NFYC: variants seen among roughly 807,000 people sequenced by gnomAD.
The protein encoded by NFYC is CAAT box DNA-binding protein subunit C.
Under a neutral mutation model 53.1 loss-of-function variants are expected in NFYC, and 25 were observed. The observed-to-expected ratio is 0.47, with a 90% confidence interval of 0.34 to 0.66. The LOEUF is 0.66. Ranked by LOEUF, NFYC falls within the 30% of genes least tolerant of loss-of-function variation. The pLI, the probability that NFYC is intolerant of heterozygous loss-of-function variation, is 0.01. For synonymous variants in NFYC, 145 were observed against 152.6 expected (o/e 0.95, Z 0.37); for missense variants, 260 against 422.7 (o/e 0.62, Z 3.38).
chr1:40,752,943 C>T (rs1645996034), intron 4 of NFYC, among the ~76,000 whole-genome samples: 1 of 152,148 alleles, frequency 6.6e-6, no homozygotes, highest in Non-Finnish European at 1.5e-5. Flanking sequence ...GTGTGAGTTA[C>T]ATGTATCTCT....
chr1:40,759,685 G>A (rs530301483), intron 6 of NFYC, among the ~76,000 whole-genome samples: 52 of 152,136 alleles, frequency 3.4e-4, no homozygotes, highest in African/African-American at 1.2e-3. Context: ...GTCAGATAAT[G>A]TTTCTGAAGG....
chr1:40,726,498 C>G (rs747264949), intron 1 of NFYC, among the ~76,000 whole-genome samples: 4 of 151,964 alleles, frequency 2.6e-5, no homozygotes, highest in Non-Finnish European at 5.9e-5. Flanking sequence ...CAACCTCTGC[C>G]TTCCAGGTTC....
intron 1 of NFYC, among the ~76,000 whole-genome samples, chr1:40,730,929 G>T (rs1196653501): frequency 2.0e-5 from 3 of 152,154 alleles, no homozygotes; most frequent in African/African-American, 7.2e-5. Context: ...CCTGGCCGGG[G>T]TCACTCTCTG....
intron 1 of NFYC, among the ~76,000 whole-genome samples, chr1:40,701,617 A>G (rs186839999): frequency 1.3e-5 from 2 of 152,318 alleles, no homozygotes; most frequent in African/African-American, 2.4e-5. Flanking sequence ...ATGTCCTCCC[A>G]TAGCATTTTG....
intron 1 of NFYC, among the ~76,000 whole-genome samples, chr1:40,710,906 C>T (rs1349048701): frequency 6.6e-6 from 1 of 152,106 alleles, no homozygotes; most frequent in East Asian, 1.9e-4. Context: ...CAGATTTGGA[C>T]TGAAAAGCTC....
intron 1 of NFYC, among the ~76,000 whole-genome samples, chr1:40,697,170 A>G (rs1287721129): frequency 6.6e-6 from 1 of 152,236 alleles, no homozygotes; most frequent in East Asian, 1.9e-4. Flanking sequence ...TGAATATAAT[A>G]GCGTGTGGTA....
At chr1:40,758,019 A>G in intron 5 of NFYC, 102 bp from the exon 6 acceptor site, 1 of 1,287,176 alleles carries the variant, frequency 7.8e-7, no homozygotes. Context: ...AGCATTCAGC[A>G]GGCAACTGCA....
intron 1 of NFYC, among the ~76,000 whole-genome samples, chr1:40,736,430 C>A (rs1285611158): frequency 6.6e-6 from 1 of 152,164 alleles, no homozygotes; most frequent in Non-Finnish European, 1.5e-5. Context: ...CCACATGGAG[C>A]CTGGAAAGTA....
intron 8 of NFYC, chr1:40,766,932 A>G (rs1180788425): frequency 6.4e-7 from 1 of 1,552,180 alleles, no homozygotes; most frequent in Non-Finnish European, 8.7e-7. Flanking sequence ...AAAGAAATGC[A>G]AGTCAGGGGA....
At chr1:40,699,517 T>C (rs1643328669) in intron 1 of NFYC, among the ~76,000 whole-genome samples, 1 of 152,238 alleles carries the variant, frequency 6.6e-6, no homozygotes. Context: ...TGAAAGTAAG[T>C]AGCATAGAAT....
chr1:40,697,280 G>T lies in NFYC; in HGVS notation c.-9+5413G>T, dbSNP rs904948067. ...TTCAGCCCGTTACAGCTTCCTTGAT[G>T]AGGAGGGGTGAGGCCTTTTGTAATT... On this transcript the variant is annotated intron_variant, in intron 1 of 9. Transcript: ENST00000447388. 3.3e-5 allele frequency among the ~76,000 whole-genome samples: 5 copies of T among 152,306 alleles called. No homozygotes were observed. In the East Asian group the frequency reaches 5.8e-4, roughly 18 times the overall value.
intron 6 of NFYC, among the ~76,000 whole-genome samples, chr1:40,762,218 G>T (rs1178982917): frequency 6.6e-6 from 1 of 152,184 alleles, no homozygotes; most frequent in East Asian, 1.9e-4. Flanking sequence ...TTAATTAGGG[G>T]TAGACTTAGT....
chr1:40,728,423 CCT>C (rs975861407), intron 1 of NFYC, among the ~76,000 whole-genome samples: 61 of 151,938 alleles, frequency 4.0e-4, no homozygotes, highest in African/African-American at 1.4e-3. Context: ...GTGGCGAAAC[CCT>C]GTCTTTACTA....
intron 1 of NFYC, among the ~76,000 whole-genome samples, chr1:40,698,601 T>A (rs1448841250): frequency 6.6e-6 from 1 of 151,436 alleles, no homozygotes; most frequent in Non-Finnish European, 1.5e-5. Context: ...CTAATTTTTG[T>A]ATATTTTGTA....
At chr1:40,758,406 T>G in intron 6 of NFYC, 112 bp downstream of exon 6, 1 of 1,225,694 alleles carries the variant, frequency 8.2e-7, no homozygotes, top group Non-Finnish European at 1.1e-6. Context: ...GAGCACTGGA[T>G]TTAAAGTCTG....
chr1:40,711,486 A>G (rs1280086413), intron 1 of NFYC, among the ~76,000 whole-genome samples: 1 of 152,190 alleles, frequency 6.6e-6, no homozygotes, highest in African/African-American at 2.4e-5. Context: ...AAGGTGTGGT[A>G]CAGTATGAAG....
intron 1 of NFYC, chr1:40,695,769 T>C (rs566340215): frequency 6.6e-5 from 10 of 152,278 alleles, no homozygotes; most frequent in African/African-American, 1.9e-4. Flanking sequence ...TTATATCTTT[T>C]AGTTCAAAAG....
Position 40,743,467 on chromosome 1 carries a change from T to C in NFYC, c.106-4067T>C, listed in dbSNP as rs74068572. ...CTAACTTTGTCTTTATGGAGGTGAG[T>C]TGGGGGCAGGTGGGCAACAATGCTG... is the stretch of plus-strand genomic sequence containing the variant. On this transcript the variant is annotated intron_variant, in intron 2 of 9. Transcript: ENST00000447388. 2.3e-3 allele frequency among the ~76,000 whole-genome samples: 353 copies of C among 152,230 alleles called. 2 individuals are homozygous for C. Among genetic ancestry groups the C allele is most frequent in the African/African-American group, 8.0e-3 (333 of 41,502 alleles).
chr1:40,732,979 G>A (rs1276412545), intron 1 of NFYC, among the ~76,000 whole-genome samples: 4 of 145,140 alleles, frequency 2.8e-5, no homozygotes, highest in Non-Finnish European at 4.5e-5. Flanking sequence ...ATTCCAATAA[G>A]TATGTCAGGG....
Sources: gnomAD v4.1 joint callset for allele counts (sites outside exome capture counted in the v4.1 genomes callset) on GRCh38, gnomAD v4.1.1 for gene constraint, MANE v1.5 for transcripts, NCBI Gene and HGNC (gene_info 2026-07-23, HGNC 2026-07-21) for gene names.